GABPB2: variants seen among roughly 807,000 people sequenced by gnomAD.
The protein encoded by GABPB2 is GA-binding protein subunit beta-2.
Under a neutral mutation model 39.1 loss-of-function variants are expected in GABPB2, and 23 were observed. The observed-to-expected ratio is 0.59, with a 90% confidence interval of 0.42 to 0.83. The LOEUF (loss-of-function observed/expected upper bound fraction) is 0.83, where lower values mean the gene tolerates loss of function less well. Ranked by LOEUF, GABPB2 falls within the 40% of genes least tolerant of loss-of-function variation. The pLI is 0.00. For missense variants in GABPB2, 467 were observed against 541.1 expected, an observed-to-expected ratio of 0.86 and a Z score of 1.36; for synonymous variants, 184 against 199.3, an observed-to-expected ratio of 0.92 and a Z score of 0.65.
intron 6 of GABPB2, among the ~76,000 whole-genome samples, chr1:151,105,912 A>G (rs1412832391): frequency 6.6e-6 from 1 of 152,034 alleles, no homozygotes; most frequent in East Asian, 1.9e-4. Context: ...TCACTATTAA[A>G]TATCCCTGTT....
chr1:151,109,312 A>G (rs1038550316), intron 7 of GABPB2, among the ~76,000 whole-genome samples: 2 of 146,890 alleles, frequency 1.4e-5, no homozygotes, highest in East Asian at 2.0e-4. Context: ...ATATATATAT[A>G]TATATACACA....
At chr1:151,090,923 G>A (rs2101490936) in intron 3 of GABPB2, among the ~76,000 whole-genome samples, 2 of 151,724 alleles carry the variant, frequency 1.3e-5, no homozygotes, top group East Asian at 2.0e-4. Flanking sequence ...GCTTGAACCT[G>A]GGAGGCGGAG....
chr1:151,083,438 C>T (rs1019364750), intron 1 of GABPB2, among the ~76,000 whole-genome samples: 4 of 152,122 alleles, frequency 2.6e-5, no homozygotes, highest in Non-Finnish European at 5.9e-5. Context: ...TTGAGGACAG[C>T]CTGGCCAACA....
chr1:151,078,947 C>T (rs997414609), intron 1 of GABPB2, among the ~76,000 whole-genome samples: 2 of 151,932 alleles, frequency 1.3e-5, no homozygotes, highest in South Asian at 2.1e-4. Flanking sequence ...GCTGGGATTA[C>T]AGTCGTGAGC....
chr1:151,109,317 T>C lies in GABPB2; in HGVS notation c.922+2095T>C, dbSNP rs10588732. On this transcript the variant is annotated intron_variant, in intron 7 of 8. Coordinates refer to ENST00000368918, the MANE Select transcript of GABPB2 (RefSeq NM_144618.3). The stretch of plus-strand genomic sequence containing the variant: ...GGGGATTTATATATATATATATATA[T>C]ACACACAAATATATATATATACACA... Among the ~76,000 whole-genome samples, 297 of 119,514 alleles carry C rather than the reference T, an allele frequency of 2.5e-3. 1 individual carries two copies. Among genetic ancestry groups the C allele is most frequent in the Admixed American group, 8.6e-3 (98 of 11,458 alleles). The allele number at this position is 119,514 out of a possible 152,430, so 78.4% of individuals were successfully genotyped here.
intron 7 of GABPB2, among the ~76,000 whole-genome samples, chr1:151,110,340 T>C (rs977211855): frequency 1.3e-5 from 2 of 152,162 alleles, no homozygotes; most frequent in East Asian, 1.9e-4. Context: ...TTTGTGAACA[T>C]AGTTATCATT....
intron 5 of GABPB2, among the ~76,000 whole-genome samples, chr1:151,099,522 TA>T (rs879867165): frequency 7.9e-5 from 12 of 152,334 alleles, no homozygotes; most frequent in East Asian, 1.9e-4. Flanking sequence ...CTTTTATAAA[TA>T]TTTTTTTTAC....
At chr1:151,096,362 C>G (rs1679096121) in intron 4 of GABPB2, among the ~76,000 whole-genome samples, 1 of 151,994 alleles carries the variant, frequency 6.6e-6, no homozygotes, top group South Asian at 2.1e-4. Flanking sequence ...TTGCAGTGAG[C>G]CGAGATCGCA....
chr1:151,109,658 C>T (rs1227950206), intron 7 of GABPB2, among the ~76,000 whole-genome samples: 1 of 151,598 alleles, frequency 6.6e-6, no homozygotes, highest in Non-Finnish European at 1.5e-5. Context: ...CACACCCGGC[C>T]TATAGTTTTT....
At chr1:151,104,309 C>A (rs587769568) in intron 6 of GABPB2, among the ~76,000 whole-genome samples, 1 of 152,340 alleles carries the variant, frequency 6.6e-6, no homozygotes, top group South Asian at 2.1e-4. Context: ...GCTCAGTAGA[C>A]ATTTAGAAAT....
intron 1 of GABPB2, among the ~76,000 whole-genome samples, chr1:151,087,147 G>T (rs974519946): frequency 6.9e-6 from 1 of 144,152 alleles, no homozygotes; most frequent in Non-Finnish European, 1.5e-5. Context: ...GAGCCACCGC[G>T]CCCAGCCAAT....
At chr1:151,082,140 G>A (rs1488396128) in intron 1 of GABPB2, among the ~76,000 whole-genome samples, 4 of 146,820 alleles carry the variant, frequency 2.7e-5, no homozygotes, top group Non-Finnish European at 3.0e-5. Context: ...GCAGTGGTGC[G>A]ATCTCGGCTC....
rs186949613 is a variant in GABPB2 at position 151,112,281 on chromosome 1, C to T, written c.922+5059C>T. On this transcript the variant is annotated intron_variant, in intron 7 of 8. Transcript: ENST00000368918. Reference sequence around the variant, plus strand: ...CTTCATGTACTGATGGAAAGGCTGACGGTATATATTGAGGCCATATTTCCG... The same window carrying T: ...CTTCATGTACTGATGGAAAGGCTGATGGTATATATTGAGGCCATATTTCCG... 565 of 144,372 alleles carry T rather than the reference C, an allele frequency of 3.9e-3. 4 individuals carry two copies. Among genetic ancestry groups the T allele is most frequent in the Non-Finnish European group, 6.6e-3 (435 of 66,404 alleles). 8.9% of individuals were successfully genotyped at this position (144,372 alleles called of 1,614,324 possible).
intron 1 of GABPB2, among the ~76,000 whole-genome samples, chr1:151,081,420 C>T (rs911423215): frequency 4.6e-5 from 7 of 151,850 alleles, no homozygotes; most frequent in African/African-American, 1.4e-4. Flanking sequence ...ACACTGGAGG[C>T]GGAGGTTGCA....
intron 1 of GABPB2, among the ~76,000 whole-genome samples, chr1:151,079,643 T>C (rs1054190138): frequency 2.0e-5 from 3 of 151,840 alleles, no homozygotes; most frequent in Admixed American, 1.3e-4. Flanking sequence ...GGCTCAGGCC[T>C]GTATCCCAGC....
intron 6 of GABPB2, among the ~76,000 whole-genome samples, chr1:151,104,911 TC>T (rs1679846862): frequency 6.6e-6 from 1 of 151,412 alleles, no homozygotes; most frequent in South Asian, 2.1e-4. Flanking sequence ...TCTCTTTCTT[TC>T]TTTCCTTCTT....
At chr1:151,092,598 T>G (rs1678811420) in intron 3 of GABPB2, among the ~76,000 whole-genome samples, 1 of 149,970 alleles carries the variant, frequency 6.7e-6, no homozygotes, top group Non-Finnish European at 1.5e-5. Context: ...TTTTTGTTTT[T>G]TTTTTTTGGA....
At chr1:151,102,162 A>T (rs1679577213) in intron 5 of GABPB2, among the ~76,000 whole-genome samples, 1 of 152,076 alleles carries the variant, frequency 6.6e-6, no homozygotes, top group South Asian at 2.1e-4. Context: ...CTCTACTAAA[A>T]GTATAAAAAT....
intron 3 of GABPB2, among the ~76,000 whole-genome samples, chr1:151,092,019 A>G (rs986178034): frequency 6.9e-6 from 1 of 145,250 alleles, no homozygotes. Context: ...CTGGCCTTGC[A>G]CTCCTGGCCT....
Sources: gnomAD v4.1 joint callset for allele counts (sites outside exome capture counted in the v4.1 genomes callset) on GRCh38, gnomAD v4.1.1 for gene constraint, MANE v1.5 for transcripts, NCBI Gene and HGNC (gene_info 2026-07-23, HGNC 2026-07-21) for gene names.